Variants in PCDH7 observed in about 807,000 individuals in gnomAD.
PCDH7 encodes protocadherin-7.
Under a neutral mutation model 58.9 loss-of-function variants are expected in PCDH7, and 17 were observed. The ratio of observed to expected loss-of-function variants is 0.29; its 90% CI spans 0.20 to 0.43. The LOEUF is 0.43. PCDH7 is among the 20% of genes least tolerant of loss of function. The probability of loss-of-function intolerance (pLI) is 1.00; values close to 1 mark genes in which losing one functional copy is unlikely to be tolerated. For synonymous variants in PCDH7, 664 were observed against 616.4 expected (o/e 1.08, Z -1.14); for missense variants, 1,274 against 1,441.0 (o/e 0.88, Z 1.88).
intron 1 of PCDH7, among the ~76,000 whole-genome samples, chr4:30,852,553 G>A (rs1732896534): frequency 6.6e-6 from 1 of 151,956 alleles, no homozygotes; most frequent in South Asian, 2.1e-4. Flanking sequence ...TGGCAGAGTA[G>A]AAAATCTCTT....
intron 3 of PCDH7, among the ~76,000 whole-genome samples, chr4:30,999,346 G>C (rs982723207): frequency 6.6e-6 from 1 of 152,096 alleles, no homozygotes; most frequent in African/African-American, 2.4e-5. Context: ...ACACTTAATA[G>C]ATGGTAGGCA....
chr4:30,777,465 T>G (rs1331923780), intron 1 of PCDH7, among the ~76,000 whole-genome samples: 1 of 152,146 alleles, frequency 6.6e-6, no homozygotes, highest in Non-Finnish European at 1.5e-5. Flanking sequence ...AAAAGAAGCA[T>G]TGCTGATTAT....
intron 1 of PCDH7, among the ~76,000 whole-genome samples, chr4:30,839,590 C>T (rs180980297): frequency 1.1e-4 from 17 of 152,136 alleles, no homozygotes; most frequent in African/African-American, 4.1e-4. Flanking sequence ...CCCAGGTCAC[C>T]CAATAAGTCA....
chr4:30,778,808 T>G (rs1302348435), intron 1 of PCDH7, among the ~76,000 whole-genome samples: 2 of 152,078 alleles, frequency 1.3e-5, no homozygotes, highest in African/African-American at 2.4e-5. Flanking sequence ...TCCCCAAATC[T>G]TCAACGTCTT....
chr4:31,067,740 T>G (rs1284322329), intron 3 of PCDH7, among the ~76,000 whole-genome samples: 1 of 151,962 alleles, frequency 6.6e-6, no homozygotes, highest in Non-Finnish European at 1.5e-5. Flanking sequence ...TTCTAAAAAA[T>G]TCAGCAGAAC....
chr4:31,038,505 AAAAT>A (rs1374632475), intron 3 of PCDH7, among the ~76,000 whole-genome samples: 1 of 152,288 alleles, frequency 6.6e-6, no homozygotes, highest in East Asian at 1.9e-4. Flanking sequence ...TATAAAGCAG[AAAAT>A]AAATAGAGTT....
chr4:30,922,822 G>A (rs13151051), intron 2 of PCDH7, among the ~76,000 whole-genome samples: 105,590 of 151,946 alleles, frequency 0.69, 36,719 homozygotes, highest in East Asian at 0.78. Flanking sequence ...AAAATGAGAT[G>A]CGATGCACTG....
intron 3 of PCDH7, among the ~76,000 whole-genome samples, chr4:31,096,076 T>G (rs1713936163): frequency 6.6e-6 from 1 of 152,182 alleles, no homozygotes; most frequent in African/African-American, 2.4e-5. Flanking sequence ...TACAATAACC[T>G]AATTTCACTG....
At chr4:30,769,219 C>G (rs1721101900) in intron 1 of PCDH7, among the ~76,000 whole-genome samples, 1 of 152,196 alleles carries the variant, frequency 6.6e-6, no homozygotes, top group Non-Finnish European at 1.5e-5. Context: ...ACTGTAGGCA[C>G]CAGGACTTCC....
At chr4:30,832,163 T>G (rs1281573705) in intron 1 of PCDH7, among the ~76,000 whole-genome samples, 1 of 152,114 alleles carries the variant, frequency 6.6e-6, no homozygotes, top group Non-Finnish European at 1.5e-5. Context: ...TCTCTTGCTA[T>G]GGGGGAATGA....
intron 3 of PCDH7, among the ~76,000 whole-genome samples, chr4:31,085,288 G>T (rs1712255207): frequency 6.6e-6 from 1 of 152,062 alleles, no homozygotes; most frequent in South Asian, 2.1e-4. Context: ...CCATCAAGTT[G>T]CAGGGTCTGC....
intron 1 of PCDH7, among the ~76,000 whole-genome samples, chr4:30,895,721 T>C (rs1170793123): frequency 2.6e-5 from 4 of 152,172 alleles, no homozygotes; most frequent in African/African-American, 9.7e-5. Context: ...GGAACACTGA[T>C]GCCAGTTGCT....
At chr4:30,962,326 A>G (rs537395239) in intron 3 of PCDH7, among the ~76,000 whole-genome samples, 47 of 152,336 alleles carry the variant, frequency 3.1e-4, no homozygotes, top group African/African-American at 9.4e-4. Context: ...TACAGAGCAC[A>G]TGCCAAGATG....
chr4:31,075,397 A>T (rs2109259243), intron 3 of PCDH7, among the ~76,000 whole-genome samples: 1 of 152,320 alleles, frequency 6.6e-6, no homozygotes, highest in Admixed American at 6.5e-5. Flanking sequence ...TGATCAGCTT[A>T]GACCTTGGCC....
At position 30,721,679 on chromosome 4, in the gene PCDH7, C is replaced by A. The variant is rs763116039; in HGVS notation, c.257C>A (p.Thr86Lys). 1 of 1,613,990 alleles carries A rather than the reference C, an allele frequency of 6.2e-7. No individual in the cohort carries two copies. Among genetic ancestry groups the A allele is most frequent in the Admixed American group, 1.7e-5 (1 of 60,030 alleles). The change falls in exon 1 of 2, where the codon ACG becomes AAG. Residue 86 changes from threonine (T) to lysine (K), a missense_variant. Around this residue, in one of 3 missense-constraint regions of PCDH7, gnomAD observed 212 missense variants for 255.8 expected, o/e 0.83. Coordinates refer to ENST00000361762, the Ensembl canonical transcript of PCDH7. This position sits in a 1 kb window ranked among gnomAD's most constrained non-coding sequence, Gnocchi z 6.7. ...GACAACCTCACTGGCGAGCTGAGCA[C>A]GAGCGAGCGGCGCATCGACCGCGAG...
At chr4:30,814,059 A>AT (rs1706961559) in intron 1 of PCDH7, among the ~76,000 whole-genome samples, 1 of 152,108 alleles carries the variant, frequency 6.6e-6, no homozygotes, top group Admixed American at 6.6e-5. Context: ...TTATATTTTG[A>AT]TAAGCAAATG....
intron 1 of PCDH7, among the ~76,000 whole-genome samples, chr4:30,893,185 C>T (rs1738842620): frequency 6.6e-6 from 1 of 152,056 alleles, no homozygotes; most frequent in Non-Finnish European, 1.5e-5. Flanking sequence ...GCATCAAAAA[C>T]AAATTAGCTA....
intron 1 of PCDH7, among the ~76,000 whole-genome samples, chr4:30,916,733 A>G (rs1742518519): frequency 6.6e-6 from 1 of 152,224 alleles, no homozygotes; most frequent in Non-Finnish European, 1.5e-5. Flanking sequence ...ATACCCTTAA[A>G]GAACCAGCTA....
chr4:30,943,767 A>G (rs1746341510), intron 2 of PCDH7, among the ~76,000 whole-genome samples: 1 of 146,340 alleles, frequency 6.8e-6, no homozygotes, highest in South Asian at 2.2e-4. Context: ...CTGTTAGTGT[A>G]TTTTATGTGT....
Sources: gnomAD v4.1 joint callset for allele counts (sites outside exome capture counted in the v4.1 genomes callset) on GRCh38, gnomAD v4.1.1 for gene constraint, gnomAD v4.1.1 regional missense constraint, Gnocchi (gnomAD v3.1) non-coding constraint, MANE v1.5 for transcripts, NCBI Gene and HGNC (gene_info 2026-07-23, HGNC 2026-07-21) for gene names.